The following PPFIA2 variants were observed in gnomAD, a reference collection of about 807,000 sequenced individuals.
The protein encoded by PPFIA2 is PPFI scaffold protein A2, also known as liprin-alpha-2.
PPFIA2 carries 46 observed loss-of-function variants against 175.5 expected under a neutral mutation model. The observed-to-expected ratio is 0.26, with a 90% CI of 0.21 to 0.34. PPFIA2 has a LOEUF of 0.34. Among genes scored for constraint, PPFIA2 ranks in the 10% least tolerant of loss-of-function variants. The pLI, the probability that PPFIA2 is intolerant of heterozygous loss-of-function variation, is 1.00. For missense variants in PPFIA2, 1,179 were observed against 1,506.1 expected (o/e 0.78, Z 3.60); for synonymous variants, 568 against 511.4 (o/e 1.11, Z -1.49).
intron 24 of PPFIA2, among the ~76,000 whole-genome samples, chr12:81,294,141 A>T (rs531092594): frequency 1.7e-3 from 262 of 152,202 alleles, no homozygotes; most frequent in African/African-American, 6.0e-3. Context: ...AGACTCCAAA[A>T]GGGAAGAGGT....
intron 4 of PPFIA2, among the ~76,000 whole-genome samples, chr12:81,544,031 T>TA (rs2066613516): frequency 6.6e-6 from 1 of 152,080 alleles, no homozygotes; most frequent in African/African-American, 2.4e-5. Context: ...AAAAGGACCT[T>TA]AGGAAAGAGC....
chr12:81,393,386 A>G (rs2040509883), intron 8 of PPFIA2, among the ~76,000 whole-genome samples: 1 of 152,128 alleles, frequency 6.6e-6, no homozygotes, highest in Admixed American at 6.6e-5. Flanking sequence ...TATAAAATAA[A>G]GAATCAACAC....
At chr12:81,498,709 C>T (rs190841934) in intron 4 of PPFIA2, among the ~76,000 whole-genome samples, 210 of 152,278 alleles carry the variant, frequency 1.4e-3, no homozygotes, top group African/African-American at 4.8e-3. Context: ...ACTGCAACCT[C>T]CACCTCCCAG....
intron 4 of PPFIA2, among the ~76,000 whole-genome samples, chr12:81,484,327 G>A (rs562560493): frequency 8.6e-5 from 13 of 151,876 alleles, no homozygotes; most frequent in Non-Finnish European, 1.8e-4. Context: ...ATTACCTAGT[G>A]GGGAAAACAA....
Position 81,543,080 on chromosome 12 carries a change from C to T in PPFIA2, c.304-85214G>A, listed in dbSNP as rs1457991898. On this transcript the variant is annotated intron_variant, in intron 4 of 32. Transcript: ENST00000549396. ...CTGCAGTTGCCTTGAATGAATCTTC[C>T]TTTTACTGCTTTTACTGTTTAAATT... Among the ~76,000 whole-genome samples the T allele has an allele frequency of 2.0e-5, 3 of 152,112 alleles. No homozygotes were observed. In the East Asian group the frequency reaches 5.8e-4, roughly 29 times the overall value.
At chr12:81,428,448 T>G (rs191148890) in intron 7 of PPFIA2, among the ~76,000 whole-genome samples, 39 of 152,152 alleles carry the variant, frequency 2.6e-4, no homozygotes, top group Admixed American at 1.6e-3. Context: ...TTTTAACAGG[T>G]ATTGTTATAA....
chr12:81,475,881 C>A (rs770575220), intron 4 of PPFIA2, among the ~76,000 whole-genome samples: 7 of 151,946 alleles, frequency 4.6e-5, no homozygotes, highest in Admixed American at 3.3e-4. Flanking sequence ...CCGGCTAATT[C>A]TTTGTATTTT....
At chr12:81,546,517 T>G (rs1470013386) in intron 4 of PPFIA2, 1 of 152,164 alleles carries the variant, frequency 6.6e-6, no homozygotes, top group African/African-American at 2.4e-5. Context: ...AATTACCATG[T>G]ACATCTAGGA....
intron 4 of PPFIA2, among the ~76,000 whole-genome samples, chr12:81,499,929 G>A (rs1455683141): frequency 1.3e-5 from 2 of 151,870 alleles, no homozygotes; most frequent in African/African-American, 4.8e-5. Context: ...TCTCCAAAAC[G>A]CCACTCTTCC....
intron 7 of PPFIA2, among the ~76,000 whole-genome samples, chr12:81,434,324 G>A (rs2048612553): frequency 6.6e-6 from 1 of 151,910 alleles, no homozygotes; most frequent in South Asian, 2.1e-4. Context: ...TATTATAGAT[G>A]AGAACATATT....
chr12:81,422,224 T>G (rs2046405925), intron 7 of PPFIA2, among the ~76,000 whole-genome samples: 1 of 151,224 alleles, frequency 6.6e-6, no homozygotes, highest in African/African-American at 2.4e-5. Context: ...TATTGGAAAC[T>G]AAAGTAAATG....
chr12:81,597,332 C>G (rs773073103), intron 4 of PPFIA2, among the ~76,000 whole-genome samples: 35 of 151,982 alleles, frequency 2.3e-4, no homozygotes, highest in Non-Finnish European at 4.0e-4. Flanking sequence ...AGCTTTCTAA[C>G]TCATATTTAT....
intron 3 of PPFIA2, among the ~76,000 whole-genome samples, chr12:81,711,240 T>G (rs991508558): frequency 2.0e-5 from 3 of 150,990 alleles, no homozygotes; most frequent in African/African-American, 7.3e-5. Context: ...AAAATAAAAA[T>G]AAAAAGAATA....
chr12:81,388,346 G>A (rs2039417238), intron 8 of PPFIA2, among the ~76,000 whole-genome samples: 1 of 152,074 alleles, frequency 6.6e-6, no homozygotes, highest in Non-Finnish European at 1.5e-5. Context: ...CCAATACAAT[G>A]AATGAATCAC....
chr12:81,609,185 G>A (rs1280338061), intron 4 of PPFIA2, among the ~76,000 whole-genome samples: 3 of 151,904 alleles, frequency 2.0e-5, no homozygotes, highest in Non-Finnish European at 2.9e-5. Context: ...TGAGATTTCT[G>A]TTATGAGTAA....
At chr12:81,354,615 A>G (rs2060576280) in intron 16 of PPFIA2, among the ~76,000 whole-genome samples, 2 of 152,022 alleles carry the variant, frequency 1.3e-5, no homozygotes, top group South Asian at 4.1e-4. Context: ...CATGAGGGTT[A>G]AAATCAATGT....
intron 4 of PPFIA2, among the ~76,000 whole-genome samples, chr12:81,563,698 T>C (rs17008719): frequency 0.094 from 14,380 of 152,260 alleles, 950 homozygotes; most frequent in Middle Eastern, 0.13. Context: ...TGCTTTACTC[T>C]AAATATAAAT....
chr12:81,338,917 A>G (rs568625943), intron 21 of PPFIA2, among the ~76,000 whole-genome samples: 1 of 152,286 alleles, frequency 6.6e-6, no homozygotes, highest in African/African-American at 2.4e-5. Flanking sequence ...TGCCTGTCAC[A>G]AGAGTTAGCA....
chr12:81,452,108 A>G (rs999249378), intron 5 of PPFIA2, among the ~76,000 whole-genome samples: 3 of 151,652 alleles, frequency 2.0e-5, no homozygotes, highest in Non-Finnish European at 4.4e-5. Flanking sequence ...ACACACAGAC[A>G]CACACACACA....
Sources: gnomAD v4.1 joint callset for allele counts (sites outside exome capture counted in the v4.1 genomes callset) on GRCh38, gnomAD v4.1.1 for gene constraint, MANE v1.5 for transcripts, NCBI Gene and HGNC (gene_info 2026-07-23, HGNC 2026-07-21) for gene names.